The following ZDHHC20 variants were observed in gnomAD, a reference collection of about 807,000 sequenced individuals.
ZDHHC20 encodes the protein zDHHC palmitoyltransferase 20.
In ZDHHC20, 43 loss-of-function variants were observed where a neutral mutation model predicts 57.8. That is an observed-to-expected ratio of 0.74 (90% CI 0.58 to 0.96). The LOEUF is 0.96. Ranked by LOEUF, ZDHHC20 falls within the 40% of genes least tolerant of loss-of-function variation. The pLI is 0.00. For synonymous variants in ZDHHC20, 157 were observed against 153.0 expected (o/e 1.03, Z -0.19); for missense variants, 391 against 441.1 (o/e 0.89, Z 1.02).
At chr13:21,395,177 C>T (rs889996445) in intron 7 of ZDHHC20, among the ~76,000 whole-genome samples, 1 of 151,574 alleles carries the variant, frequency 6.6e-6, no homozygotes, top group Admixed American at 6.6e-5. Context: ...TGCTATTCTC[C>T]TGCCTCAGCC....
At chr13:21,445,836 G>A (rs1361866297) in intron 1 of ZDHHC20, among the ~76,000 whole-genome samples, 1 of 152,212 alleles carries the variant, frequency 6.6e-6, no homozygotes, top group African/African-American at 2.4e-5. Context: ...AAAATGCAGG[G>A]TGAGGAGACT....
At chr13:21,422,477 G>C (rs1316401393) in intron 2 of ZDHHC20, among the ~76,000 whole-genome samples, 1 of 152,040 alleles carries the variant, frequency 6.6e-6, no homozygotes, top group Non-Finnish European at 1.5e-5. Context: ...ATTGTATTGG[G>C]TTCATGCCAG....
In ZDHHC20 at chr13:21,375,240, C is replaced by T. The variant is rs1372484259; in HGVS notation, c.*1456G>A. The T allele has an allele frequency of 2.2e-6, 1 of 449,032 alleles. No homozygotes were observed. Among genetic ancestry groups the T allele is most frequent in the African/African-American group, 2.0e-5 (1 of 49,880 alleles). The allele number at this position is 449,032 out of a possible 1,614,324, so 27.8% of individuals were successfully genotyped here. A position where few individuals can be genotyped will look rare whatever the true frequency, so the allele number is the denominator to read the frequency against. On this transcript the variant is annotated 3_prime_UTR_variant, in exon 13 of 13. Transcript: ENST00000400590. Reference sequence around the variant, plus strand: ...TCCAACTTATTCACAACACCCCCTCCCCTGCAGTCCCATTTTACAGACAGG... The same window carrying T: ...TCCAACTTATTCACAACACCCCCTCTCCTGCAGTCCCATTTTACAGACAGG...
intron 8 of ZDHHC20, among the ~76,000 whole-genome samples, chr13:21,390,888 ACT>A (rs961432646): frequency 2.0e-5 from 3 of 151,170 alleles, no homozygotes; most frequent in South Asian, 2.1e-4. Flanking sequence ...CAAGAGTGAG[ACT>A]CTGTCTCAAA....
intron 8 of ZDHHC20, among the ~76,000 whole-genome samples, chr13:21,390,570 C>A (rs1186801285): frequency 6.6e-6 from 1 of 152,078 alleles, no homozygotes; most frequent in African/African-American, 2.4e-5. Context: ...GAACATATGC[C>A]AGTTAAATGT....
At position 21,374,736 on chromosome 13, in the gene ZDHHC20, T is replaced by C. The variant is rs1355018797; in HGVS notation, c.*1960A>G. On this transcript the variant is annotated 3_prime_UTR_variant, in exon 13 of 13. Transcript: ENST00000400590. The stretch of plus-strand genomic sequence containing the variant: ...GGCTGATGGAAATTAGGCCAAATTA[T>C]AAACAAATTATAAACCTACAGTAGC... 8.3e-6 allele frequency: 2 copies of C among 240,398 alleles called. No homozygotes were observed. The highest frequency in any genetic ancestry group is 1.6e-3 in the Middle Eastern group (1 of 630). 14.9% of individuals were successfully genotyped at this position (240,398 alleles called of 1,614,324 possible). A position where few individuals can be genotyped will look rare whatever the true frequency, so the allele number is the denominator to read the frequency against.
chr13:21,393,731 G>A lies in ZDHHC20; in HGVS notation c.595-1877C>T, dbSNP rs1326137510. 4.7e-4 allele frequency among the ~76,000 whole-genome samples: 57 copies of A among 121,196 alleles called. No homozygotes were observed. In the Middle Eastern group the frequency reaches 0.022, roughly 46 times the overall value. The allele number at this position is 121,196 out of a possible 152,430, so 79.5% of individuals were successfully genotyped here. A position where few individuals can be genotyped will look rare whatever the true frequency, so the allele number is the denominator to read the frequency against. ...AAAAAAAAAAAAAAAAAAAAAAAAG[G>A]TACAAGGTCTCACTAAGGCACCAGA... On this transcript the variant is annotated intron_variant, in intron 7 of 12. Coordinates refer to ENST00000400590, the MANE Select transcript of ZDHHC20 (RefSeq NM_001330059.2).
At chr13:21,409,977 A>AT (rs1878986451) in intron 4 of ZDHHC20, among the ~76,000 whole-genome samples, 1 of 151,832 alleles carries the variant, frequency 6.6e-6, no homozygotes, top group Non-Finnish European at 1.5e-5. Context: ...TGGTTTTGGA[A>AT]TTTTCAGCCT....
chr13:21,405,150 A>G (rs1878270434), intron 4 of ZDHHC20, among the ~76,000 whole-genome samples: 1 of 152,064 alleles, frequency 6.6e-6, no homozygotes. Flanking sequence ...TTTTTTAAAT[A>G]ATGGACATGT....
rs1874790465 is a variant in ZDHHC20, at chr13:21,387,583, G to C, written c.779C>G (p.Ser260Cys). 1 of 1,517,270 alleles carries C rather than the reference G, an allele frequency of 6.6e-7. No homozygotes were observed. The highest frequency in any genetic ancestry group is 2.5e-5 in the East Asian group (1 of 39,618). The allele number at this position is 1,517,270 out of a possible 1,614,324, so 94.0% of individuals were successfully genotyped here. Residue 260 changes from serine to cysteine, a missense_variant, in exon 9 of 13, where the codon TCT becomes TGT. Ser to Cys is a moderately radical substitution (Grantham distance 112). Around this residue, in one of 3 missense-constraint regions of ZDHHC20, gnomAD observed 197 missense variants for 220.8 expected, o/e 0.89. Coordinates refer to ENST00000400590, the MANE Select transcript of ZDHHC20 (RefSeq NM_001330059.2). ...FSYGPDGNGF[S>C]LGCSKNWRQV... is the part of the protein sequence containing the mutation. The stretch of plus-strand genomic sequence containing the variant: ...TCTCCAATTTTTACTGCATCCAAGA[G>C]AGAAACCATTTCCATCAGGTCCGTA...
chr13:21,413,755 A>G lies in ZDHHC20; in HGVS notation c.267T>C (p.Ser89=). The change falls in exon 4 of 13, where the codon TCT becomes TCC. Residue 89 remains serine (S), a synonymous_variant. Transcript: ENST00000400590. ...ATTCTTTTTCATAACGTTCCTTTTC[A>G]GAATTGGACAAGTAGAACTATAAAA... ...SPSKEFYLSN[S]EKERYEKEFS... is the part of the protein sequence containing the mutation. 1 of 1,610,030 alleles carries G rather than the reference A, an allele frequency of 6.2e-7. No individual in the cohort carries two copies. Among genetic ancestry groups the G allele is most frequent in the Non-Finnish European group, 8.5e-7 (1 of 1,178,128 alleles).
chr13:21,443,105 T>C (rs1403802628), intron 1 of ZDHHC20, among the ~76,000 whole-genome samples: 4 of 152,242 alleles, frequency 2.6e-5, no homozygotes, highest in African/African-American at 9.6e-5. Flanking sequence ...CCTCTATCGC[T>C]TTGATACTCT....
intron 4 of ZDHHC20, among the ~76,000 whole-genome samples, chr13:21,412,931 G>A (rs894233349): frequency 3.4e-5 from 4 of 118,472 alleles, no homozygotes; most frequent in Non-Finnish European, 6.4e-5. Context: ...CTGCACCATT[G>A]CACTCAAGCC....
At chr13:21,450,713 G>A (rs963143237) in intron 1 of ZDHHC20, among the ~76,000 whole-genome samples, 2 of 151,180 alleles carry the variant, frequency 1.3e-5, no homozygotes, top group Non-Finnish European at 2.9e-5. Flanking sequence ...CTACACTCTC[G>A]CATCTGAAAA....
intron 1 of ZDHHC20, among the ~76,000 whole-genome samples, chr13:21,432,854 G>A (rs1413918377): frequency 6.6e-6 from 1 of 152,224 alleles, no homozygotes; most frequent in Non-Finnish European, 1.5e-5. Flanking sequence ...ATGGTGAATA[G>A]TTCTTACAGT....
chr13:21,428,768 G>A (rs896457725), intron 1 of ZDHHC20, among the ~76,000 whole-genome samples: 2 of 151,918 alleles, frequency 1.3e-5, no homozygotes, highest in Non-Finnish European at 2.9e-5. Flanking sequence ...GATGAGGCAG[G>A]AGAATCGCCT....
chr13:21,451,624 G>C (rs538820192), intron 1 of ZDHHC20, among the ~76,000 whole-genome samples: 67 of 152,208 alleles, frequency 4.4e-4, no homozygotes, highest in African/African-American at 1.5e-3. Context: ...AAGAGTAGGG[G>C]AGAAATACTG....
intron 9 of ZDHHC20, among the ~76,000 whole-genome samples, chr13:21,384,317 G>A (rs1874032700): frequency 6.6e-6 from 1 of 152,006 alleles, no homozygotes; most frequent in South Asian, 2.1e-4. Context: ...GCATGCGCCT[G>A]TAATCCTAGC....
chr13:21,404,316 C>G (rs1243919663), intron 4 of ZDHHC20: 1 of 503,016 alleles, frequency 2.0e-6, no homozygotes, highest in Admixed American at 2.0e-5. Flanking sequence ...ATTGGAGCTC[C>G]TTTCTATTTT....
Sources: allele counts gnomAD v4.1 joint callset (sites outside exome capture counted in the v4.1 genomes callset), GRCh38; gene constraint gnomAD v4.1.1; regional missense constraint gnomAD v4.1.1; transcripts MANE v1.5; gene names NCBI Gene and HGNC (gene_info 2026-07-23, HGNC 2026-07-21).